CEP63: variants seen among roughly 807,000 people sequenced by gnomAD.
CEP63 encodes the protein centrosomal protein 63, also known as centrosomal protein of 63 kDa.
CEP63 carries 84 observed loss-of-function variants against 89.1 expected under a neutral mutation model. The observed-to-expected ratio is 0.94, with a 90% CI of 0.79 to 1.13. The LOEUF (loss-of-function observed/expected upper bound fraction) is 1.13, where lower values mean the gene tolerates loss of function less well. Ranked by LOEUF, CEP63 falls within the 50% of genes most tolerant of loss-of-function variation. The pLI is 0.00. For missense variants in CEP63, 838 were observed against 813.3 expected, an observed-to-expected ratio of 1.03 and a Z score of -0.37; for synonymous variants, 267 against 272.5, an observed-to-expected ratio of 0.98 and a Z score of 0.20.
At chr3:134,736,176 A>G in the CEP63 span, among the ~76,000 whole-genome samples, 1 of 152,194 alleles carries the variant, frequency 6.6e-6, no homozygotes, top group Non-Finnish European at 1.5e-5. Context: ...CATCATGCGT[A>G]TATTAAAAAA....
intron 3 of CEP63, among the ~76,000 whole-genome samples, chr3:134,530,962 A>T (rs962072760): frequency 1.3e-5 from 2 of 152,216 alleles, no homozygotes; most frequent in African/African-American, 4.8e-5. Context: ...ATTAAAAGAA[A>T]TACTGCTGGA....
the CEP63 span, chr3:134,620,778 G>A: frequency 6.2e-7 from 1 of 1,613,724 alleles, no homozygotes; most frequent in East Asian, 2.2e-5. Context: ...GATCCAGATG[G>A]CGCGGACCCT....
At chr3:134,755,299 G>A in the CEP63 span, among the ~76,000 whole-genome samples, 1 of 152,178 alleles carries the variant, frequency 6.6e-6, no homozygotes, top group Admixed American at 6.5e-5. Flanking sequence ...CCAGGAGAAG[G>A]GGCAGAGCCC....
At chr3:134,536,856 C>A (rs949150820) in intron 5 of CEP63, 1 of 378,284 alleles carries the variant, frequency 2.6e-6, no homozygotes, top group African/African-American at 2.1e-5. Flanking sequence ...ATTATAACAA[C>A]CCTTAGGTGG....
At chr3:134,596,209 G>A in the CEP63 span, among the ~76,000 whole-genome samples, 1 of 152,158 alleles carries the variant, frequency 6.6e-6, no homozygotes, top group Admixed American at 6.5e-5. Context: ...CTAGATAAAG[G>A]AAAGAAAATT....
the CEP63 span, among the ~76,000 whole-genome samples, chr3:134,748,033 C>G: frequency 6.6e-6 from 1 of 152,168 alleles, no homozygotes; most frequent in Non-Finnish European, 1.5e-5. Flanking sequence ...ATCCTCCCAC[C>G]TCGGCCTTCC....
the CEP63 span, among the ~76,000 whole-genome samples, chr3:134,667,402 C>T: frequency 3.9e-3 from 597 of 152,222 alleles, 4 homozygotes; most frequent in African/African-American, 0.014. Flanking sequence ...GAGGCAAATT[C>T]AGGGGGTGCA....
chr3:134,535,978 A>G (rs1950698371), intron 5 of CEP63: 1 of 151,982 alleles, frequency 6.6e-6, no homozygotes, highest in South Asian at 2.1e-4. Context: ...TTTCCCTTTC[A>G]TTCACTTTAT....
the CEP63 span, among the ~76,000 whole-genome samples, chr3:134,726,509 GC>G: frequency 6.7e-6 from 1 of 149,986 alleles, no homozygotes; most frequent in Admixed American, 6.6e-5. Flanking sequence ...CACACACAGA[GC>G]AAGAATGTAC....
chr3:134,590,072 A>C (rs2107684963), downstream of CEP63, among the ~76,000 whole-genome samples: 1 of 152,302 alleles, frequency 6.6e-6, no homozygotes, highest in Non-Finnish European at 1.5e-5. Context: ...AACAACAGAC[A>C]CTGGGGCCTA....
chr3:134,548,114 T>C (rs538796547), intron 9 of CEP63, among the ~76,000 whole-genome samples: 1 of 152,302 alleles, frequency 6.6e-6, no homozygotes, highest in South Asian at 2.1e-4. Flanking sequence ...TCCACTGGTA[T>C]AAAATACGCT....
At chr3:134,541,837 A>G (rs1365092095) in intron 6 of CEP63, among the ~76,000 whole-genome samples, 1 of 152,056 alleles carries the variant, frequency 6.6e-6, no homozygotes, top group East Asian at 1.9e-4. Context: ...AAAAGGAGTA[A>G]TGGGGGGATG....
At chr3:134,625,064 A>G in the CEP63 span, 3 of 1,598,340 alleles carry the variant, frequency 1.9e-6, no homozygotes, top group Non-Finnish European at 1.7e-6. Flanking sequence ...TGTGAGGCGT[A>G]GATATCCAAT....
the CEP63 span, among the ~76,000 whole-genome samples, chr3:134,711,672 T>G: frequency 6.6e-6 from 1 of 152,226 alleles, no homozygotes; most frequent in African/African-American, 2.4e-5. Flanking sequence ...CTTCTTATTT[T>G]GAAGGCTTTG....
intron 1 of CEP63, among the ~76,000 whole-genome samples, chr3:134,491,789 G>GGT (rs1219215725): frequency 6.6e-6 from 1 of 152,180 alleles, no homozygotes; most frequent in Non-Finnish European, 1.5e-5. Flanking sequence ...CACCAAGGCA[G>GGT]GTACAGGGAC....
At chr3:134,565,226 A>G (rs1241663364), downstream of CEP63, among the ~76,000 whole-genome samples, 1 of 152,180 alleles carries the variant, frequency 6.6e-6, no homozygotes, top group East Asian at 1.9e-4. Context: ...TTTTAGCTGA[A>G]GAGGGCAAAG....
the CEP63 span, among the ~76,000 whole-genome samples, chr3:134,642,151 T>C: frequency 4.3e-4 from 65 of 152,168 alleles, no homozygotes; most frequent in Non-Finnish European, 8.2e-4. Flanking sequence ...ATGCTGGTAA[T>C]CCCAGTTGGC....
intron 2 of CEP63, among the ~76,000 whole-genome samples, chr3:134,497,199 T>C (rs529367073): frequency 6.6e-6 from 1 of 152,342 alleles, no homozygotes; most frequent in South Asian, 2.1e-4. Flanking sequence ...TTTGCAAATA[T>C]TTTCTCCCAT....
chr3:134,492,087 T>TTG (rs1937743353), intron 1 of CEP63, among the ~76,000 whole-genome samples: 1 of 147,730 alleles, frequency 6.8e-6, no homozygotes, highest in Admixed American at 6.7e-5. Context: ...TTTTTTTTTT[T>TTG]TTTTGAGACG....
Sources: gnomAD v4.1 joint callset for allele counts (sites outside exome capture counted in the v4.1 genomes callset) on GRCh38, gnomAD v4.1.1 for gene constraint, MANE v1.5 for transcripts, NCBI Gene and HGNC (gene_info 2026-07-23, HGNC 2026-07-21) for gene names.